The following PDE1A variants were observed in gnomAD, a reference collection of about 807,000 sequenced individuals.
PDE1A encodes phosphodiesterase 1A.
PDE1A carries 35 observed loss-of-function variants against 61.7 expected under a neutral mutation model. The ratio of observed to expected loss-of-function variants is 0.57; its 90% CI spans 0.43 to 0.75. PDE1A has a LOEUF of 0.75. Ranked by LOEUF, PDE1A falls within the 30% of genes least tolerant of loss-of-function variation. The pLI is 0.00. For synonymous variants in PDE1A, 232 were observed against 213.2 expected (o/e 1.09, Z -0.77); for missense variants, 597 against 630.6 (o/e 0.95, Z 0.57).
the PDE1A span, among the ~76,000 whole-genome samples, chr2:182,617,918 C>A: frequency 6.6e-6 from 1 of 152,206 alleles, no homozygotes; most frequent in Non-Finnish European, 1.5e-5. Context: ...ATAACCTTAT[C>A]ATAGTGTAAC....
intron 2 of PDE1A, among the ~76,000 whole-genome samples, chr2:182,453,792 A>C (rs576033881): frequency 6.6e-5 from 10 of 152,050 alleles, no homozygotes; most frequent in Non-Finnish European, 1.0e-4. Flanking sequence ...CTATCTATGA[A>C]AAACCCACAG....
upstream of PDE1A, among the ~76,000 whole-genome samples, chr2:182,427,281 G>T (rs1703681489): frequency 6.6e-6 from 1 of 152,086 alleles, no homozygotes; most frequent in Non-Finnish European, 1.5e-5. Context: ...GTGTGGAGAC[G>T]ACTCATCATT....
Position 182,244,024 on chromosome 2 carries a change from C to T in PDE1A, c.168-3732G>A, listed in dbSNP as rs187455705. Among the ~76,000 whole-genome samples the T allele has an allele frequency of 7.9e-3, 1,206 of 152,172 alleles. 13 individuals carry two copies. Among genetic ancestry groups the T allele is most frequent in the South Asian group, 0.038 (185 of 4,810 alleles). ...CTGGGATTACAGGCACGTGCCACCACGCCTGGCTAATTTTGTATTTTTAGT... is the reference window on the plus strand; with the variant it reads ...CTGGGATTACAGGCACGTGCCACCATGCCTGGCTAATTTTGTATTTTTAGT... On this transcript the variant is annotated intron_variant, in intron 2 of 13. Coordinates refer to ENST00000351439, the Ensembl canonical transcript of PDE1A.
At chr2:182,592,822 T>C in the PDE1A span, among the ~76,000 whole-genome samples, 57,343 of 152,090 alleles carry the variant, frequency 0.38, 12,218 homozygotes, top group East Asian at 0.62. Context: ...TTGATACATT[T>C]GTCAAAACAG....
chr2:182,453,328 T>C (rs1051351284), intron 2 of PDE1A, among the ~76,000 whole-genome samples: 2 of 152,026 alleles, frequency 1.3e-5, no homozygotes, highest in South Asian at 2.1e-4. Flanking sequence ...GGCCATTTTT[T>C]TTCTCAGTCC....
chr2:182,618,412 C>T, the PDE1A span, among the ~76,000 whole-genome samples: 2 of 151,442 alleles, frequency 1.3e-5, no homozygotes, highest in African/African-American at 4.9e-5. Context: ...ATTAATTTAC[C>T]CTTAGGATGA....
intron 1 of PDE1A, among the ~76,000 whole-genome samples, chr2:182,285,521 G>A (rs1694096993): frequency 6.6e-6 from 1 of 152,114 alleles, no homozygotes; most frequent in Admixed American, 6.6e-5. Flanking sequence ...TTAGCAGAGG[G>A]AGGGAAGGAA....
the PDE1A span, among the ~76,000 whole-genome samples, chr2:182,589,610 T>TA: frequency 6.6e-6 from 1 of 152,096 alleles, no homozygotes; most frequent in Non-Finnish European, 1.5e-5. Context: ...CAACTATACT[T>TA]AGAGTAATGC....
chr2:182,478,200 ATTTC>A (rs1226229910), intron 2 of PDE1A, among the ~76,000 whole-genome samples: 26 of 151,886 alleles, frequency 1.7e-4, no homozygotes, highest in Admixed American at 2.0e-4. Context: ...CTAAAGATGT[ATTTC>A]TTTGTGTCTC....
At chr2:182,187,737 C>CTTTTTTTTTT (rs1038970569) in intron 11 of PDE1A, among the ~76,000 whole-genome samples, 433 of 66,378 alleles carry the variant, frequency 6.5e-3, no homozygotes, top group East Asian at 8.8e-3. Context: ...TTTTTTTGTT[C>CTTTTTTTTTT]TTTTTTTTTT....
intron 1 of PDE1A, among the ~76,000 whole-genome samples, chr2:182,279,118 A>G (rs986677632): frequency 3.9e-5 from 6 of 151,990 alleles, no homozygotes; most frequent in African/African-American, 1.4e-4. Flanking sequence ...GCATAGAGGC[A>G]GGATTCTTAA....
intron 1 of PDE1A, among the ~76,000 whole-genome samples, chr2:182,367,356 A>G (rs900201345): frequency 1.3e-5 from 2 of 152,082 alleles, no homozygotes; most frequent in Non-Finnish European, 2.9e-5. Flanking sequence ...TGTGATATCC[A>G]TATTACATGA....
At chr2:182,403,164 C>T (rs529367365) in intron 1 of PDE1A, among the ~76,000 whole-genome samples, 14 of 149,236 alleles carry the variant, frequency 9.4e-5, no homozygotes, top group Admixed American at 8.6e-4. Context: ...CCAGCAATCC[C>T]ATTACTGGGT....
chr2:182,380,194 T>A, intron 1 of PDE1A, among the ~76,000 whole-genome samples: 1 of 142,408 alleles, frequency 7.0e-6, no homozygotes, highest in Admixed American at 7.6e-5. Flanking sequence ...CACTGCAAGC[T>A]CCGCCTCCTG....
downstream of PDE1A, chr2:182,142,129 C>CACACACACAG (rs1319514884): frequency 6.6e-6 from 1 of 151,252 alleles, no homozygotes; most frequent in Non-Finnish European, 1.5e-5. Flanking sequence ...TTTGAACACA[C>CACACACACAG]ACACACACAC....
chr2:182,462,012 T>C (rs1480321830), intron 2 of PDE1A, among the ~76,000 whole-genome samples: 1 of 152,126 alleles, frequency 6.6e-6, no homozygotes, highest in Non-Finnish European at 1.5e-5. Context: ...CTTGCTGGAT[T>C]AAACCAAGGG....
chr2:182,420,752 T>A (rs902061826), intron 1 of PDE1A, among the ~76,000 whole-genome samples: 33 of 152,332 alleles, frequency 2.2e-4, no homozygotes, highest in African/African-American at 7.7e-4. Flanking sequence ...ACGTAAGACT[T>A]CAGTGCAGCT....
chr2:182,264,618 C>T (rs2125789741), intron 1 of PDE1A, among the ~76,000 whole-genome samples: 1 of 151,552 alleles, frequency 6.6e-6, no homozygotes, highest in South Asian at 2.1e-4. Context: ...TTATATTCAG[C>T]TCGCAATAAT....
the PDE1A span, among the ~76,000 whole-genome samples, chr2:182,649,926 T>C: frequency 6.6e-6 from 1 of 152,166 alleles, no homozygotes; most frequent in African/African-American, 2.4e-5. Context: ...AATTTTTTTT[T>C]AAATTAGCCA....
Sources: allele counts gnomAD v4.1 joint callset (sites outside exome capture counted in the v4.1 genomes callset), GRCh38; gene constraint gnomAD v4.1.1; transcripts MANE v1.5; gene names NCBI Gene and HGNC (gene_info 2026-07-23, HGNC 2026-07-21).